The following MAMLD1 variants were observed in gnomAD, a reference collection of about 807,000 sequenced individuals.
MAMLD1 encodes mastermind like domain containing 1, also known as mastermind-like domain-containing protein 1.
In MAMLD1, 14 loss-of-function variants were observed where a neutral mutation model predicts 45.0. The observed-to-expected ratio is 0.31, with a 90% CI of 0.21 to 0.49. The LOEUF (loss-of-function observed/expected upper bound fraction) is 0.49, where lower values mean the gene tolerates loss of function less well. Ranked by LOEUF, MAMLD1 falls within the 20% of genes least tolerant of loss-of-function variation. The pLI, the probability that MAMLD1 is intolerant of heterozygous loss-of-function variation, is 0.99. For missense variants in MAMLD1, 543 were observed against 603.6 expected (o/e 0.90, Z 1.05); for synonymous variants, 254 against 247.8 (o/e 1.02, Z -0.24).
At chrX:150,464,727 C>A (rs910557045) in intron 3 of MAMLD1, among the ~76,000 whole-genome samples, 2 of 111,938 alleles carry the variant, frequency 1.8e-5, no homozygotes, top group Non-Finnish European at 3.8e-5. Context: ...TCATGCCCCA[C>A]GACATCTTCA....
At chrX:150,478,159 T>C (rs1473907986) in intron 5 of MAMLD1, among the ~76,000 whole-genome samples, 1 of 112,144 alleles carries the variant, frequency 8.9e-6, no homozygotes, top group Non-Finnish European at 1.9e-5. Flanking sequence ...ATTCTTTATA[T>C]TTGAACCATG....
intron 1 of MAMLD1, among the ~76,000 whole-genome samples, chrX:150,414,028 C>A (rs1157704630): frequency 5.1e-4 from 16 of 31,325 alleles, no homozygotes; most frequent in African/African-American, 1.1e-3. Flanking sequence ...CAGAAAACTG[C>A]AAAAAAAAAA....
intron 1 of MAMLD1, among the ~76,000 whole-genome samples, chrX:150,424,520 A>C (rs1031304387): frequency 3.6e-5 from 4 of 112,088 alleles, no homozygotes; most frequent in Non-Finnish European, 7.5e-5. Flanking sequence ...AGTTTCCAGC[A>C]CTGCTAGGTC....
chrX:150,413,909 C>T, intron 1 of MAMLD1, among the ~76,000 whole-genome samples: 2 of 106,789 alleles, frequency 1.9e-5, no homozygotes, highest in Non-Finnish European at 3.9e-5. Flanking sequence ...AGAGAACTGC[C>T]TGGTCATCGA....
rs1198514382 is a variant in MAMLD1, at chrX:150,471,560, A to G, written c.1917+70A>G. The stretch of plus-strand genomic sequence containing the variant: ...AACAACTGTGTTTCATGTTGCCAAT[A>G]TCTGGCTCTGGAGGGTAAATCCAGG... On this transcript the variant is annotated intron_variant, in intron 4 of 7. Transcript: ENST00000370401. 3 of 1,203,931 alleles carry G rather than the reference A, an allele frequency of 2.5e-6. No homozygotes were observed. The African/African-American group carries it at 5.2e-5, about 21-fold the overall frequency.
chrX:150,423,387 T>TGC (rs1557403657), intron 1 of MAMLD1, among the ~76,000 whole-genome samples: 4 of 103,743 alleles, frequency 3.9e-5, no homozygotes, highest in African/African-American at 1.4e-4. Context: ...TGTGTGTGTT[T>TGC]GCACCTTTGG....
rs1569564594 is a variant in MAMLD1 at position 150,398,322 on chromosome X, AGAAGAAGAAGAAGAAGAAGAGGAAGAG to A, written c.-64+34798_-64+34824del. ...AAGAAGAAGAAGAAGAAGAAGAAGA[AGAAGAAGAAGAAGAAGAAGAGGAAGAG>A]GAAGAGGAAGAGGAAGAGGAAGAGG... is the stretch of plus-strand genomic sequence containing the variant. On this transcript the variant is annotated intron_variant, in intron 1 of 7. Transcript: ENST00000370401. 1.5e-3 allele frequency among the ~76,000 whole-genome samples: 139 copies of A among 91,670 alleles called. 1 individual carries two copies. Among genetic ancestry groups the A allele is most frequent in the African/African-American group, 4.0e-3 (97 of 24,468 alleles). The allele number at this position is 91,670 out of a possible 115,157, so 79.6% of individuals were successfully genotyped here.
intron 4 of MAMLD1, 45 bp downstream of exon 4, chrX:150,471,535 A>G (rs782500919): frequency 1.7e-6 from 2 of 1,211,360 alleles, no homozygotes; most frequent in Non-Finnish European, 2.2e-6. Flanking sequence ...TTTTGGAAGT[A>G]ACAACTGTGT....
intron 1 of MAMLD1, among the ~76,000 whole-genome samples, chrX:150,367,666 G>C (rs781856307): frequency 9.0e-5 from 10 of 111,069 alleles, no homozygotes; most frequent in African/African-American, 3.3e-4. Flanking sequence ...CCATTAACTC[G>C]TCATTTAACA....
intron 1 of MAMLD1, among the ~76,000 whole-genome samples, chrX:150,402,900 C>T (rs801222): frequency 4.5e-5 from 5 of 109,919 alleles, no homozygotes; most frequent in African/African-American, 1.7e-4. Context: ...GGAAGGGGAA[C>T]ATCACACTCT....
intron 5 of MAMLD1, among the ~76,000 whole-genome samples, chrX:150,482,523 A>G (rs73250536): frequency 6.2e-5 from 7 of 112,914 alleles, no homozygotes; most frequent in Non-Finnish European, 1.3e-4. Context: ...CATTTTATAC[A>G]TATTTTTACC....
At chrX:150,427,187 A>G (rs1297670429) in intron 1 of MAMLD1, among the ~76,000 whole-genome samples, 1 of 112,076 alleles carries the variant, frequency 8.9e-6, no homozygotes, top group Admixed American at 9.5e-5. Flanking sequence ...ATCTTACCTC[A>G]TTATATCTGC....
At chrX:150,510,406 C>T (rs937112305) in intron 7 of MAMLD1, among the ~76,000 whole-genome samples, 4 of 111,689 alleles carry the variant, frequency 3.6e-5, no homozygotes, top group Non-Finnish European at 3.8e-5. Context: ...CGCACATTCA[C>T]ATACTGCTGC....
At chrX:150,505,063 G>A in intron 6 of MAMLD1, 1 of 754,194 alleles carries the variant, frequency 1.3e-6, no homozygotes, top group Non-Finnish European at 1.6e-6. Context: ...GTTTGCAGCA[G>A]TCATAGATCA....
At chrX:150,398,323 GAAGAAGAAGAAGAA>G (rs1569564600) in intron 1 of MAMLD1, among the ~76,000 whole-genome samples, 77 of 91,139 alleles carry the variant, frequency 8.4e-4, no homozygotes, top group African/African-American at 1.7e-3. Context: ...AGAAGAAGAA[GAAGAAGAAGAAGAA>G]GAAGAGGAAG....
At chrX:150,439,502 T>C (rs1557404422) in intron 1 of MAMLD1, among the ~76,000 whole-genome samples, 3 of 111,919 alleles carry the variant, frequency 2.7e-5, no homozygotes, top group African/African-American at 9.8e-5. Flanking sequence ...CTGAATTTTG[T>C]ATATGATATA....
chrX:150,371,507 T>C (rs1400377837), intron 1 of MAMLD1, among the ~76,000 whole-genome samples: 2 of 110,919 alleles, frequency 1.8e-5, no homozygotes, highest in Non-Finnish European at 3.8e-5. Flanking sequence ...GGCATCCAGG[T>C]CAAAAAGGCC....
At chrX:150,481,958 AAAG>A (rs1461662269) in intron 5 of MAMLD1, among the ~76,000 whole-genome samples, 1 of 89,815 alleles carries the variant, frequency 1.1e-5, no homozygotes, top group African/African-American at 4.2e-5. Flanking sequence ...AGAAAGAAAG[AAAG>A]AAAAAAGAAA....
intron 2 of MAMLD1, among the ~76,000 whole-genome samples, chrX:150,458,656 T>C (rs923718211): frequency 1.8e-5 from 2 of 112,002 alleles, no homozygotes; most frequent in Admixed American, 9.4e-5. Context: ...TATTGAGGTA[T>C]AAGTGACAAA....
Sources: allele counts gnomAD v4.1 joint callset (sites outside exome capture counted in the v4.1 genomes callset), GRCh38; gene constraint gnomAD v4.1.1; transcripts MANE v1.5; gene names NCBI Gene and HGNC (gene_info 2026-07-23, HGNC 2026-07-21).